Variants in EMC3 observed in about 807,000 individuals in gnomAD.
EMC3 encodes ER membrane protein complex subunit 3, also known as 30 kDa protein.
Under a neutral mutation model 36.6 loss-of-function variants are expected in EMC3, and 13 were observed. The observed-to-expected ratio is 0.35, with a 90% CI of 0.23 to 0.56. The LOEUF (loss-of-function observed/expected upper bound fraction) is 0.56. Among genes scored for constraint, EMC3 ranks in the 20% least tolerant of loss-of-function variants. The pLI, the probability that EMC3 is intolerant of heterozygous loss-of-function variation, is 0.84. For missense variants in EMC3, 220 were observed against 324.5 expected (o/e 0.68, Z 2.47); for synonymous variants, 120 against 111.9 (o/e 1.07, Z -0.46).
At chr3:9,977,525 A>C in intron 1 of EMC3, 79 bp from the exon 2 acceptor site, 2 of 1,317,590 alleles carry the variant, frequency 1.5e-6, no homozygotes, top group East Asian at 4.7e-5. Context: ...TAGAAGACCT[A>C]TTTAAACACA....
chr3:9,966,379 C>T (rs1486130161), intron 7 of EMC3, among the ~76,000 whole-genome samples: 6 of 149,784 alleles, frequency 4.0e-5, no homozygotes, highest in East Asian at 2.0e-4. Context: ...CCCGCCACCA[C>T]GCCCGGCTAA....
In EMC3 at chr3:9,969,795, T is replaced by C; in HGVS notation, c.581A>G (p.Asp194Gly). The C allele has an allele frequency of 1.2e-6, 2 of 1,613,242 alleles. No homozygotes were observed. The highest frequency in any genetic ancestry group is 2.2e-5 in the South Asian group (2 of 91,022). Residue 194 changes from aspartate to glycine, a missense_variant, in exon 7 of 8, where the codon GAC becomes GGC. Coordinates refer to ENST00000245046, the MANE Select transcript of EMC3 (RefSeq NM_001394674.1). ...CTGCTCCTGCATCATTCGTGATTGG[T>C]CAGCGGCTGTAGCATAAGACACACT... ...SLILGQDNAADQSRMMQEQMT... is the reference protein window; with the variant it reads ...SLILGQDNAAGQSRMMQEQMT...
chr3:9,999,595 A>G (rs1411229097), intron 1 of EMC3, among the ~76,000 whole-genome samples: 1 of 152,082 alleles, frequency 6.6e-6, no homozygotes, highest in East Asian at 1.9e-4. Flanking sequence ...AATTATTTTG[A>G]GTCGTATGAT....
intron 1 of EMC3, among the ~76,000 whole-genome samples, chr3:9,980,245 A>C (rs112989238): frequency 1.7e-4 from 26 of 151,842 alleles, no homozygotes; most frequent in African/African-American, 6.3e-4. Context: ...AATTCCTGAC[A>C]TCAGATGATC....
chr3:9,982,378 C>T (rs935468567), intron 1 of EMC3, among the ~76,000 whole-genome samples: 8 of 151,894 alleles, frequency 5.3e-5, no homozygotes, highest in Non-Finnish European at 1.0e-4. Context: ...CTCAGCCTCC[C>T]GAGTAGCTGG....
intron 1 of EMC3, chr3:9,981,755 TA>T (rs2085914158): frequency 2.2e-6 from 1 of 445,532 alleles, no homozygotes; most frequent in Non-Finnish European, 4.5e-6. Context: ...TTTCTTGGAA[TA>T]AAACTTTAAA....
Position 9,977,038 on chromosome 3 carries a change from G to C in EMC3, c.226C>G (p.Arg76Gly). 3 of 1,597,342 alleles carry C rather than the reference G, an allele frequency of 1.9e-6. No homozygotes were observed. The highest frequency in any genetic ancestry group is 2.6e-6 in the Non-Finnish European group (3 of 1,174,320). The change falls in exon 3 of 8, where the codon CGA (arginine) becomes GGA (glycine). Residue 76 changes from arginine (R) to glycine (G), a missense_variant. Arg to Gly is a moderately radical substitution (Grantham distance 125, BLOSUM62 -2). Around this residue, in one of 3 missense-constraint regions of EMC3, gnomAD observed 127 missense variants for 174.6 expected, o/e 0.73. Transcript: ENST00000245046. ...KYIPKQSFLT[R>G]KYYFNNPEDG... The stretch of plus-strand genomic sequence containing the variant: ...TCTGGGTTGTTGAAATAATATTTTC[G>C]TGTCAAGAAAGACTAGTAAAAAAAA...
chr3:9,971,652 AC>A (rs1468655914), intron 5 of EMC3, among the ~76,000 whole-genome samples: 2 of 152,206 alleles, frequency 1.3e-5, no homozygotes, highest in Non-Finnish European at 2.9e-5. Flanking sequence ...CTTTTCTCCA[AC>A]CCATGAAGTT....
chr3:9,993,701 G>A (rs1239087362), intron 1 of EMC3, among the ~76,000 whole-genome samples: 1 of 152,212 alleles, frequency 6.6e-6, no homozygotes, highest in Non-Finnish European at 1.5e-5. Context: ...CAATAAGGAA[G>A]CTATGTTTAT....
chr3:9,972,985 C>T (rs1432509113), intron 5 of EMC3, among the ~76,000 whole-genome samples: 4 of 148,936 alleles, frequency 2.7e-5, no homozygotes, highest in East Asian at 2.1e-4. Context: ...CCCATCACCA[C>T]GCCCAGCTAA....
intron 1 of EMC3, among the ~76,000 whole-genome samples, chr3:9,980,889 G>T (rs1211515197): frequency 6.6e-6 from 1 of 152,126 alleles, no homozygotes; most frequent in Non-Finnish European, 1.5e-5. Context: ...GCACATGATA[G>T]GCCATCAAAA....
upstream of EMC3, chr3:9,987,078 G>A: frequency 4.6e-6 from 4 of 863,896 alleles, no homozygotes; most frequent in Non-Finnish European, 5.6e-6. Flanking sequence ...AGCCAGGCGT[G>A]GTGGAGGCGC....
intron 1 of EMC3, among the ~76,000 whole-genome samples, chr3:9,995,436 C>T (rs777371988): frequency 1.2e-4 from 18 of 151,084 alleles, no homozygotes; most frequent in Non-Finnish European, 1.5e-4. Context: ...TAGGTCAAGA[C>T]GGGATGGTCA....
chr3:9,966,460 A>G (rs1036367303), intron 7 of EMC3, among the ~76,000 whole-genome samples: 9 of 152,070 alleles, frequency 5.9e-5, no homozygotes, highest in Non-Finnish European at 1.2e-4. Context: ...TGACCTTGTG[A>G]TCCACCCACC....
At chr3:9,987,249 C>G (rs2085987494), upstream of EMC3, 3 of 981,738 alleles carry the variant, frequency 3.1e-6, no homozygotes, top group African/African-American at 1.8e-5. Flanking sequence ...AAACTACAGG[C>G]GGGGACGGCT....
At position 10,002,802 on chromosome 3, in the gene EMC3, TG is replaced by T. The variant is rs374645957; in HGVS notation, c.-242+8220del. 550 of 455,826 alleles carry T rather than the reference TG, an allele frequency of 1.2e-3. 3 individuals are homozygous for T. The highest frequency in any genetic ancestry group is 9.9e-3 in the African/African-American group (494 of 50,014). The allele number at this position is 455,826 out of a possible 1,614,324, so 28.2% of individuals were successfully genotyped here. A position where few individuals can be genotyped will look rare whatever the true frequency, so the allele number is the denominator to read the frequency against. On this transcript the variant is annotated intron_variant, in intron 1 of 8. Coordinates refer to the EMC3 transcript ENST00000470827. The stretch of plus-strand genomic sequence containing the variant: ...CTCAACAAGCCTTCCAGCATGACCC[TG>T]TGTCTTCCCCCTCCACGCAGAGCAC...
chr3:9,998,370 AAT>A (rs2086154482), intron 1 of EMC3, among the ~76,000 whole-genome samples: 1 of 94,230 alleles, frequency 1.1e-5, no homozygotes, highest in South Asian at 3.4e-4. Flanking sequence ...TGTCTCAAAT[AAT>A]AATAATAATA....
At chr3:9,972,189 G>A (rs184491328) in intron 5 of EMC3, among the ~76,000 whole-genome samples, 21 of 151,230 alleles carry the variant, frequency 1.4e-4, no homozygotes. Context: ...CCAGTGACTA[G>A]AACTAATGAA....
At chr3:9,974,964 G>C (rs2085830128) in intron 3 of EMC3, among the ~76,000 whole-genome samples, 1 of 147,160 alleles carries the variant, frequency 6.8e-6, no homozygotes, top group African/African-American at 2.5e-5. Flanking sequence ...AGGTTCAAGT[G>C]ATTCTCTTGC....
Sources: gnomAD v4.1 joint callset for allele counts (sites outside exome capture counted in the v4.1 genomes callset) on GRCh38, gnomAD v4.1.1 for gene constraint, gnomAD v4.1.1 regional missense constraint, MANE v1.5 for transcripts, NCBI Gene and HGNC (gene_info 2026-07-23, HGNC 2026-07-21) for gene names.